RTN3: variants seen among roughly 807,000 people sequenced by gnomAD.
RTN3 encodes reticulon-3.
Under a neutral mutation model 77.8 loss-of-function variants are expected in RTN3, and 49 were observed. The observed-to-expected ratio is 0.63, with a 90% CI of 0.50 to 0.80. The LOEUF (loss-of-function observed/expected upper bound fraction) is 0.80. Ranked by LOEUF, RTN3 falls within the 30% of genes least tolerant of loss-of-function variation. RTN3 has a pLI of 0.00. For missense variants in RTN3, 1,236 were observed against 1,211.9 expected (o/e 1.02, Z -0.29); for synonymous variants, 464 against 446.9 (o/e 1.04, Z -0.48).
chr11:63,684,961 T>C (rs1057054601), intron 1 of RTN3, among the ~76,000 whole-genome samples: 1 of 151,630 alleles, frequency 6.6e-6, no homozygotes, highest in African/African-American at 2.4e-5. Context: ...GGTTTTGCCA[T>C]GTTGGCCAGG....
chr11:63,718,068 A>G (rs2011507336), intron 2 of RTN3, among the ~76,000 whole-genome samples: 1 of 151,548 alleles, frequency 6.6e-6, no homozygotes, highest in African/African-American at 2.4e-5. Context: ...AGTACCCTTT[A>G]GTTTAGAACA....
Position 63,758,251 on chromosome 11 carries a change from T to TA in RTN3, c.*51dup. 2 of 1,613,710 alleles carry TA rather than the reference T, an allele frequency of 1.2e-6. No homozygotes were observed. The highest frequency in any genetic ancestry group is 1.7e-6 in the Non-Finnish European group (2 of 1,179,810). ...AGTTACTAAAACACCATTTAATAGT[T>TA]ATAACGTCGTTACTTGTACTATGAA... On this transcript the variant is annotated 3_prime_UTR_variant, in exon 9 of 9. Coordinates refer to ENST00000377819, the MANE Select transcript of RTN3 (RefSeq NM_001265589.2).
intron 1 of RTN3, among the ~76,000 whole-genome samples, chr11:63,703,074 T>C (rs999579264): frequency 7.2e-5 from 11 of 152,122 alleles, no homozygotes; most frequent in African/African-American, 2.7e-4. Flanking sequence ...ATCTGTGGAT[T>C]CAACCAATTG....
At chr11:63,696,154 G>T (rs1300473377) in intron 1 of RTN3, among the ~76,000 whole-genome samples, 1 of 151,378 alleles carries the variant, frequency 6.6e-6, no homozygotes, top group East Asian at 1.9e-4. Flanking sequence ...GGTGGCTCAT[G>T]CCTGTAATCC....
intron 1 of RTN3, among the ~76,000 whole-genome samples, chr11:63,691,264 GCA>G: frequency 6.6e-6 from 1 of 151,940 alleles, no homozygotes; most frequent in South Asian, 2.1e-4. Flanking sequence ...GGGATTATAG[GCA>G]TGTGCCACCA....
intron 3 of RTN3, among the ~76,000 whole-genome samples, chr11:63,735,550 T>TTTTCTCTCTCTCTCTCTC (rs2013033833): frequency 2.3e-5 from 1 of 42,686 alleles, no homozygotes; most frequent in Non-Finnish European, 4.2e-5. Context: ...ATTCTAACAT[T>TTTTCTCTCTCTCTCTCTC]TCTCTCTCTC....
chr11:63,700,717 C>A (rs890295939), intron 1 of RTN3, among the ~76,000 whole-genome samples: 1 of 152,054 alleles, frequency 6.6e-6, no homozygotes, highest in Non-Finnish European at 1.5e-5. Flanking sequence ...GGTCCTTCCA[C>A]CTCAGCCTCC....
intron 1 of RTN3, among the ~76,000 whole-genome samples, chr11:63,687,486 TGTAATCCC>T (rs898503246): frequency 1.3e-5 from 2 of 152,120 alleles, no homozygotes; most frequent in African/African-American, 4.8e-5. Context: ...GGTGTAATCC[TGTAATCCC>T]AGCTACTCAG....
chr11:63,741,426 T>TGCTGA (rs2013471367), intron 3 of RTN3, among the ~76,000 whole-genome samples: 1 of 146,124 alleles, frequency 6.8e-6, no homozygotes, highest in Non-Finnish European at 1.5e-5. Flanking sequence ...GTTCCCAAAT[T>TGCTGA]CCTGACCTTA....
Position 63,681,588 on chromosome 11 carries a change from C to T in RTN3, c.-49C>T. ...ATTATTCTATTTCCCCTCCCTCTCT[C>T]CCGCCCCGTATCTCTTTTCACCCTT... On this transcript the variant is annotated 5_prime_UTR_variant, in exon 1 of 9. Transcript: ENST00000377819. 3.3e-6 allele frequency: 5 copies of T among 1,531,946 alleles called. No homozygotes were observed. The highest frequency in any genetic ancestry group is 2.1e-5 in the Admixed American group (1 of 47,166). 94.9% of individuals were successfully genotyped at this position (1,531,946 alleles called of 1,614,324 possible).
chr11:63,684,407 A>G (rs1257480412), intron 1 of RTN3, among the ~76,000 whole-genome samples: 2 of 152,048 alleles, frequency 1.3e-5, no homozygotes, highest in African/African-American at 2.4e-5. Flanking sequence ...TCGGCCTCCC[A>G]AAATGCTGGG....
At chr11:63,709,679 A>G (rs1247149729) in intron 2 of RTN3, among the ~76,000 whole-genome samples, 1 of 151,894 alleles carries the variant, frequency 6.6e-6, no homozygotes, top group Non-Finnish European at 1.5e-5. Flanking sequence ...CTAACTTCCT[A>G]TTTTGATGCT....
chr11:63,753,055 T>TA lies in RTN3; in HGVS notation c.2878-13dup, dbSNP rs745560420. 9 of 1,613,096 alleles carry TA rather than the reference T, an allele frequency of 5.6e-6. No homozygotes were observed. The highest frequency in any genetic ancestry group is 3.3e-5 in the Admixed American group (2 of 59,810). ...ACGGTTATTCCTGCTTAACTTTTGATATGGCCTTCACAGCTGGCTGTCTTC... is the reference window on the plus strand; with the variant it reads ...ACGGTTATTCCTGCTTAACTTTTGATAATGGCCTTCACAGCTGGCTGTCTTC... On this transcript the variant is annotated splice_polypyrimidine_tract_variant and intron_variant, in intron 5 of 8. Coordinates refer to ENST00000377819, the MANE Select transcript of RTN3 (RefSeq NM_001265589.2).
intron 2 of RTN3, 120 bp from the exon 3 acceptor site, chr11:63,718,582 C>CTG: frequency 1.6e-6 from 1 of 621,440 alleles, no homozygotes; most frequent in Non-Finnish European, 2.6e-6. Context: ...TATATACATC[C>CTG]TGTGTGTGTA....
intron 3 of RTN3, among the ~76,000 whole-genome samples, chr11:63,741,233 G>C (rs1214148610): frequency 6.7e-6 from 1 of 149,042 alleles, no homozygotes; most frequent in Non-Finnish European, 1.5e-5. Context: ...ATGGAGTTTC[G>C]CTCTTGTCGC....
chr11:63,729,148 A>G (rs1386835725), intron 3 of RTN3, among the ~76,000 whole-genome samples: 2 of 151,980 alleles, frequency 1.3e-5, no homozygotes, highest in Non-Finnish European at 2.9e-5. Flanking sequence ...AAAGAATTCT[A>G]CCAGAAGACC....
intron 2 of RTN3, among the ~76,000 whole-genome samples, chr11:63,707,034 G>T (rs1008340050): frequency 1.3e-5 from 2 of 151,868 alleles, no homozygotes; most frequent in African/African-American, 4.8e-5. Flanking sequence ...GAGTAGCTGG[G>T]ATTACAGGCG....
At position 63,719,531 on chromosome 11, in the gene RTN3, T is replaced by A. The variant is rs762441393; in HGVS notation, c.1029T>A (p.Asp343Glu). ...TTACTAACGAAATACTGACTTGGGA[T>A]CTGGTTCCCCAAGTGAAACAACAGA... is the stretch of plus-strand genomic sequence containing the variant. ...HNFTNEILTW[D>E]LVPQVKQQTD... Residue 343 changes from aspartate to glutamate, a missense_variant, in exon 3 of 9, where the codon GAT (aspartate) becomes GAA (glutamate). Physicochemically the swap from Asp to Glu is conservative, Grantham distance 45 (BLOSUM62 2). This residue lies in a region of RTN3 where 1,056 missense variants were observed against 990.4 expected (regional missense o/e 1.07). Coordinates refer to ENST00000377819, the MANE Select transcript of RTN3 (RefSeq NM_001265589.2). 1.9e-6 allele frequency: 3 copies of A among 1,614,180 alleles called. No homozygotes were observed. The highest frequency in any genetic ancestry group is 2.5e-6 in the Non-Finnish European group (3 of 1,180,014).
intron 3 of RTN3, among the ~76,000 whole-genome samples, chr11:63,739,467 G>A (rs183720513): frequency 7.2e-5 from 11 of 152,252 alleles, no homozygotes; most frequent in South Asian, 2.1e-4. Context: ...GTGGCAGTTC[G>A]TTAGCCCATT....
Sources: gnomAD v4.1 joint callset for allele counts (sites outside exome capture counted in the v4.1 genomes callset) on GRCh38, gnomAD v4.1.1 for gene constraint, gnomAD v4.1.1 regional missense constraint, MANE v1.5 for transcripts, NCBI Gene and HGNC (gene_info 2026-07-23, HGNC 2026-07-21) for gene names.